Variants in GUCY1A2 observed in about 807,000 individuals in gnomAD.
GUCY1A2 encodes guanylate cyclase 1 soluble subunit alpha 2.
In GUCY1A2, 27 loss-of-function variants were observed where a neutral mutation model predicts 63.5. That is an observed-to-expected ratio of 0.43 (90% CI 0.31 to 0.59). The LOEUF (loss-of-function observed/expected upper bound fraction) is 0.59. GUCY1A2 is among the 20% of genes least tolerant of loss of function. The pLI, the probability that GUCY1A2 is intolerant of heterozygous loss-of-function variation, is 0.11. For synonymous variants in GUCY1A2, 364 were observed against 343.5 expected, an observed-to-expected ratio of 1.06 and a Z score of -0.66; for missense variants, 768 against 913.3, an observed-to-expected ratio of 0.84 and a Z score of 2.05.
chr11:106,821,054 C>T (rs925970266), intron 4 of GUCY1A2, among the ~76,000 whole-genome samples: 13 of 152,212 alleles, frequency 8.5e-5, no homozygotes, highest in Admixed American at 7.9e-4. Flanking sequence ...CCATAAACTA[C>T]ATAACCAAGT....
intron 6 of GUCY1A2, among the ~76,000 whole-genome samples, chr11:106,731,731 A>G (rs1863509591): frequency 1.3e-5 from 2 of 152,136 alleles, no homozygotes; most frequent in African/African-American, 4.8e-5. Flanking sequence ...TAGTATTCCT[A>G]TACACCAACA....
intron 4 of GUCY1A2, among the ~76,000 whole-genome samples, chr11:106,839,416 G>A (rs1018051372): frequency 9.9e-5 from 15 of 151,750 alleles, no homozygotes; most frequent in African/African-American, 2.2e-4. Context: ...TGGTGGGACC[G>A]TAAACCAGTT....
rs1241271293 is a variant in GUCY1A2, at chr11:106,943,566, C to T, written c.488-3388G>A. On this transcript the variant is annotated intron_variant, in intron 3 of 7. Transcript: ENST00000526355. ...TCTCATCTGCTATCCCACCCCACCT[C>T]AGATGGCATTTCTTGAGGACAAGGA... Among the ~76,000 whole-genome samples, 4 of 152,336 alleles carry T rather than the reference C, an allele frequency of 2.6e-5. No individual in the cohort carries two copies. In the East Asian group the frequency reaches 7.7e-4, roughly 29 times the overall value.
intron 5 of GUCY1A2, among the ~76,000 whole-genome samples, chr11:106,806,544 T>A (rs75224878): frequency 6.6e-6 from 1 of 152,202 alleles, no homozygotes; most frequent in African/African-American, 2.4e-5. Context: ...TATATGCCAT[T>A]GATTTACAAA....
rs140239557 is a variant in GUCY1A2, at chr11:106,789,499, C to T, written c.1693-12917G>A. Among the ~76,000 whole-genome samples the T allele has an allele frequency of 4.1e-3, 628 of 152,262 alleles. 6 individuals carry two copies. Among genetic ancestry groups the T allele is most frequent in the African/African-American group, 0.015 (604 of 41,528 alleles). On this transcript the variant is annotated intron_variant, in intron 5 of 7. Coordinates refer to ENST00000526355, the MANE Select transcript of GUCY1A2 (RefSeq NM_000855.3). The stretch of plus-strand genomic sequence containing the variant: ...AGGATTAGTCGCTGGTGCTTTATTT[C>T]GTTCATTTGGTGAAGTCACATTTTC...
intron 4 of GUCY1A2, among the ~76,000 whole-genome samples, chr11:106,871,608 A>T (rs1220237741): frequency 6.6e-6 from 1 of 152,200 alleles, no homozygotes; most frequent in Non-Finnish European, 1.5e-5. Context: ...TTGTATTAAA[A>T]TAATGACCTC....
At chr11:106,943,726 C>T (rs933968222) in intron 3 of GUCY1A2, among the ~76,000 whole-genome samples, 1 of 152,202 alleles carries the variant, frequency 6.6e-6, no homozygotes, top group African/African-American at 2.4e-5. Flanking sequence ...TAAGGTTGCA[C>T]TTGTGCCACA....
At chr11:106,848,287 T>C (rs1279776720) in intron 4 of GUCY1A2, among the ~76,000 whole-genome samples, 2 of 151,630 alleles carry the variant, frequency 1.3e-5, no homozygotes, top group South Asian at 2.1e-4. Flanking sequence ...ACAGCAAGCA[T>C]AAGCACACAA....
rs569864545 is a variant in GUCY1A2, at chr11:106,797,161, T to C, written c.1692+12832A>G. 7.2e-5 allele frequency among the ~76,000 whole-genome samples: 11 copies of C among 152,254 alleles called. No homozygotes were observed. The East Asian group carries it at 1.9e-3, about 27-fold the overall frequency. ...AAGGACTTCTCTACAATGGTTATTC[T>C]AGTTAGCCATTCGTCTAATCTTTTT... On this transcript the variant is annotated intron_variant, in intron 5 of 7. Coordinates refer to ENST00000526355, the MANE Select transcript of GUCY1A2 (RefSeq NM_000855.3).
In GUCY1A2 at chr11:106,942,749, G is replaced by A. The variant is rs145814953; in HGVS notation, c.488-2571C>T. The stretch of plus-strand genomic sequence containing the variant: ...GCTTATGTTCTGTGCCTAATGCCAG[G>A]ATCCCAAAGAATCATCCAGAAAATA... On this transcript the variant is annotated intron_variant, in intron 3 of 7. Transcript: ENST00000526355. 2.2e-3 allele frequency among the ~76,000 whole-genome samples: 338 copies of A among 152,158 alleles called. 2 individuals are homozygous for A. Among genetic ancestry groups the A allele is most frequent in the Middle Eastern group, 0.014 (4 of 294 alleles).
chr11:106,940,127 A>C lies in GUCY1A2; in HGVS notation c.539T>G (p.Ile180Arg). 6.2e-7 allele frequency: 1 copy of C among 1,611,012 alleles called. No individual in the cohort carries two copies. The highest frequency in any genetic ancestry group is 8.5e-7 in the Non-Finnish European group (1 of 1,177,892). Residue 180 changes from isoleucine (I) to arginine (R), a missense_variant, in exon 4 of 8, where the codon ATA (isoleucine) becomes AGA (arginine). By Grantham distance (97) the Ile-to-Arg change is moderately conservative (BLOSUM62 -3). This residue lies in a region of GUCY1A2 where 496 missense variants were observed against 486.9 expected (regional missense o/e 1.02). Coordinates refer to ENST00000526355, the MANE Select transcript of GUCY1A2 (RefSeq NM_000855.3). ...GACTCTCTCATTCTCATGAAAGCAT[A>C]TATTAAAGAACTCTTCACCAAATCT... ...QKRFGEEFFN[I>R]CFHENERVLR...
At chr11:106,757,910 C>A (rs1414777331) in intron 6 of GUCY1A2, among the ~76,000 whole-genome samples, 1 of 152,222 alleles carries the variant, frequency 6.6e-6, no homozygotes, top group Non-Finnish European at 1.5e-5. Context: ...GTCTTTAGAG[C>A]TGTCAGGCAG....
rs761268010 is a variant in GUCY1A2, at chr11:107,017,834, G to C, written c.222C>G (p.Ala74=). 8 of 1,288,224 alleles carry C rather than the reference G, an allele frequency of 6.2e-6. No individual in the cohort carries two copies. Among genetic ancestry groups the C allele is most frequent in the Non-Finnish European group, 7.8e-6 (8 of 1,019,742 alleles). The allele number at this position is 1,288,224 out of a possible 1,614,324, so 79.8% of individuals were successfully genotyped here. A position where few individuals can be genotyped will look rare whatever the true frequency, so the allele number is the denominator to read the frequency against. Residue 74 remains alanine, a synonymous_variant, in exon 1 of 8, where the codon GCC becomes GCG. Coordinates refer to ENST00000526355, the MANE Select transcript of GUCY1A2 (RefSeq NM_000855.3). ...AASAAAAAAT[A]GARRVQRRRR... ...TCCGGCGCTGCACCCTCCTGGCCCC[G>C]GCAGTGGCAGCGGCGGCGGCGGCAG...
At chr11:106,799,199 G>A (rs1256580668) in intron 5 of GUCY1A2, among the ~76,000 whole-genome samples, 1 of 152,044 alleles carries the variant, frequency 6.6e-6, no homozygotes, top group Non-Finnish European at 1.5e-5. Context: ...GGGATATGAA[G>A]GACCTCTTGA....
intron 4 of GUCY1A2, among the ~76,000 whole-genome samples, chr11:106,918,930 C>A (rs1266052292): frequency 1.3e-5 from 2 of 152,098 alleles, no homozygotes; most frequent in Non-Finnish European, 2.9e-5. Context: ...TGATATTTAA[C>A]CTAAATTCGA....
intron 1 of GUCY1A2, among the ~76,000 whole-genome samples, chr11:107,009,230 T>C (rs1039382829): frequency 4.6e-5 from 7 of 152,178 alleles, no homozygotes; most frequent in African/African-American, 1.7e-4. Context: ...GAGGTGGCCC[T>C]ATATATCTGA....
At chr11:106,739,463 C>A (rs1236203276) in intron 6 of GUCY1A2, among the ~76,000 whole-genome samples, 1 of 152,162 alleles carries the variant, frequency 6.6e-6, no homozygotes, top group Non-Finnish European at 1.5e-5. Flanking sequence ...TTACAGAGTG[C>A]CAGACACTAT....
chr11:106,799,689 T>C (rs1046406978), intron 5 of GUCY1A2, among the ~76,000 whole-genome samples: 1 of 152,222 alleles, frequency 6.6e-6, no homozygotes, highest in African/African-American at 2.4e-5. Flanking sequence ...GCTAGCCATA[T>C]GTAGGAAGCT....
At chr11:106,843,964 G>A (rs779521436) in intron 4 of GUCY1A2, among the ~76,000 whole-genome samples, 13 of 151,842 alleles carry the variant, frequency 8.6e-5, no homozygotes, top group Admixed American at 3.9e-4. Context: ...GTATAACATC[G>A]GTCAGCATCT....
Sources: gnomAD v4.1 joint callset for allele counts (sites outside exome capture counted in the v4.1 genomes callset) on GRCh38, gnomAD v4.1.1 for gene constraint, gnomAD v4.1.1 regional missense constraint, MANE v1.5 for transcripts, NCBI Gene and HGNC (gene_info 2026-07-23, HGNC 2026-07-21) for gene names.